TRAPPC2L: variants seen among roughly 807,000 people sequenced by gnomAD.
The protein encoded by TRAPPC2L is trafficking protein particle complex subunit 2-like protein.
A neutral mutation model predicts 13.2 loss-of-function variants in TRAPPC2L; 17 were observed. That is an observed-to-expected ratio of 1.29 (90% confidence interval 0.88 to 1.93). The LOEUF is 1.93. Among genes scored for constraint, TRAPPC2L ranks in the 30% most tolerant of loss-of-function variants. The probability of loss-of-function intolerance (pLI) is 0.00; values close to 1 mark genes in which losing one functional copy is unlikely to be tolerated. For synonymous variants in TRAPPC2L, 150 were observed against 98.1 expected (o/e 1.53, Z -3.12); for missense variants, 359 against 252.1 (o/e 1.42, Z -2.87).
chr16:88,860,927 A>T, exon 4 of TRAPPC2L: 1 of 1,594,940 alleles, frequency 6.3e-7, no homozygotes, highest in Non-Finnish European at 8.5e-7. Flanking sequence ...CTTTGATAAC[A>T]TGGTGACGTC....
At chr16:88,861,613 G>T (rs751993508) in exon 4 of TRAPPC2L, 34 of 488,420 alleles carry the variant, frequency 7.0e-5, no homozygotes, top group Non-Finnish European at 1.3e-4. Flanking sequence ...TGCTGAGGGG[G>T]TTGGGTGCTG....
At position 88,857,253 on chromosome 16, in the gene TRAPPC2L, C is replaced by G. The variant is rs183603749; in HGVS notation, c.33+70C>G. On this transcript the variant is annotated intron_variant, in intron 1 of 3. Transcript: ENST00000565504. ...GCTCTCCGCTTTCTTTCTACTTCTT[C>G]CCTGGGCTTAGAAGGCACCTTAGGA... is the stretch of plus-strand genomic sequence containing the variant. 1.5e-4 allele frequency: 204 copies of G among 1,379,972 alleles called. No homozygotes were observed. In the East Asian group the frequency reaches 5.1e-3, roughly 34 times the overall value. The allele number at this position is 1,379,972 out of a possible 1,614,324, so 85.5% of individuals were successfully genotyped here.
exon 4 of TRAPPC2L, chr16:88,860,873 G>A (rs758145019): frequency 6.4e-7 from 1 of 1,570,086 alleles, no homozygotes; most frequent in Non-Finnish European, 8.6e-7. Flanking sequence ...GAGGGGTGGA[G>A]GGCCTGGCTC....
chr16:88,856,636 G>C, upstream of TRAPPC2L: 1 of 321,710 alleles, frequency 3.1e-6, no homozygotes, highest in South Asian at 1.9e-5. Flanking sequence ...CCTTCCCCAA[G>C]GGGCCTCCCC....
chr16:88,859,355 G>A (rs563853558), intron 2 of TRAPPC2L: 3 of 683,878 alleles, frequency 4.4e-6, no homozygotes, highest in African/African-American at 3.5e-5. Flanking sequence ...TTAACTTTCC[G>A]GGCCAGGCAT....
chr16:88,856,415 G>A (rs1361083534), upstream of TRAPPC2L: 1 of 701,158 alleles, frequency 1.4e-6, no homozygotes. Context: ...AGGTCAGACG[G>A]GGGAGGCAGG....
At chr16:88,856,458 G>A (rs1967890877), upstream of TRAPPC2L, 2 of 700,412 alleles carry the variant, frequency 2.9e-6, no homozygotes, top group Non-Finnish European at 5.2e-6. Context: ...CACCTGCCAG[G>A]GAGGACGCTG....
chr16:88,859,104 C>T (rs1968195512), intron 2 of TRAPPC2L: 2 of 461,970 alleles, frequency 4.3e-6, no homozygotes, highest in Non-Finnish European at 8.0e-6. Flanking sequence ...TCAGGGGGAG[C>T]CACCACCTTT....
At chr16:88,860,099 C>T (rs959197966) in exon 4 of TRAPPC2L, 14 of 894,390 alleles carry the variant, frequency 1.6e-5, no homozygotes, top group Admixed American at 7.8e-5. Context: ...AGCACCATCC[C>T]CCTAGGGCAG....
At chr16:88,857,708 A>G (rs944338763) in intron 1 of TRAPPC2L, among the ~76,000 whole-genome samples, 8 of 152,234 alleles carry the variant, frequency 5.3e-5, no homozygotes, top group Admixed American at 1.3e-4. Flanking sequence ...CTCCAACCAA[A>G]CAATTCTGCA....
exon 1 of TRAPPC2L, chr16:88,857,152 T>A (rs758026975): frequency 6.3e-7 from 1 of 1,582,732 alleles, no homozygotes; most frequent in Non-Finnish European, 8.5e-7. Flanking sequence ...CCTCCCAAGA[T>A]GGCGGTGTGC....
At chr16:88,861,624 T>C in exon 4 of TRAPPC2L, 1 of 494,410 alleles carries the variant, frequency 2.0e-6, no homozygotes, top group Non-Finnish European at 4.2e-6. Context: ...TTGGGTGCTG[T>C]GTCACTTGAT....
chr16:88,861,344 G>A, exon 4 of TRAPPC2L: 1 of 359,166 alleles, frequency 2.8e-6, no homozygotes, highest in Non-Finnish European at 5.4e-6. Flanking sequence ...TCTGGAGGGG[G>A]TGGCCTCCTG....
upstream of TRAPPC2L, chr16:88,857,105 C>A: frequency 6.6e-7 from 1 of 1,521,564 alleles, no homozygotes. Flanking sequence ...GCCGCGTGAC[C>A]AGCGGCGGGT....
chr16:88,857,763 G>A (rs1003244225), intron 1 of TRAPPC2L, among the ~76,000 whole-genome samples: 15 of 152,158 alleles, frequency 9.9e-5, no homozygotes, highest in Non-Finnish European at 1.6e-4. Flanking sequence ...GCCTTTGCAC[G>A]CGGAACACCT....
In TRAPPC2L at chr16:88,860,420, A is replaced by C. The variant is rs144790043; in HGVS notation, c.*96A>C. The C allele has an allele frequency of 2.8e-3, 1,717 of 607,360 alleles. 3 individuals carry two copies. Among genetic ancestry groups the C allele is most frequent in the Admixed American group, 4.3e-3 (151 of 34,768 alleles). 37.6% of individuals were successfully genotyped at this position (607,360 alleles called of 1,614,324 possible). ...ACAGATTTAACTTTTGAACATCATGAGGGAAATGTGGGGTCCATGCCCACA... is the reference window on the plus strand; with the variant it reads ...ACAGATTTAACTTTTGAACATCATGCGGGAAATGTGGGGTCCATGCCCACA... On this transcript the variant is annotated 3_prime_UTR_variant, in exon 4 of 4. Coordinates refer to ENST00000565504, the Ensembl canonical transcript of TRAPPC2L.
chr16:88,858,996 C>A (rs931107349), intron 2 of TRAPPC2L: 11 of 596,014 alleles, frequency 1.8e-5, no homozygotes, highest in Non-Finnish European at 2.9e-5. Flanking sequence ...GCTAGAATTC[C>A]CCGTAGAATG....
intron 2 of TRAPPC2L, 57 bp from the exon 3 acceptor site, chr16:88,859,606 A>AGGGCCCTCTGT: frequency 2.7e-6 from 4 of 1,494,816 alleles, no homozygotes; most frequent in African/African-American, 1.4e-5. Flanking sequence ...GGGCCCACAG[A>AGGGCCCTCTGT]GGGCCCTCCA....
chr16:88,856,575 G>A, upstream of TRAPPC2L: 2 of 425,210 alleles, frequency 4.7e-6, no homozygotes, highest in Non-Finnish European at 8.7e-6. Context: ...CTCCCCGCAC[G>A]GGGATACCCC....
Sources: allele counts gnomAD v4.1 joint callset (sites outside exome capture counted in the v4.1 genomes callset), GRCh38; gene constraint gnomAD v4.1.1; transcripts MANE v1.5; gene names NCBI Gene and HGNC (gene_info 2026-07-23, HGNC 2026-07-21).